The following ACACA variants were observed in gnomAD, a reference collection of about 807,000 sequenced individuals.
ACACA encodes acetyl-CoA carboxylase 1.
A neutral mutation model predicts 296.1 loss-of-function variants in ACACA; 103 were observed. That is an observed-to-expected ratio of 0.35 (90% confidence interval 0.30 to 0.41). ACACA has a LOEUF of 0.41. ACACA is among the 10% of genes least tolerant of loss of function. The pLI, the probability that ACACA is intolerant of heterozygous loss-of-function variation, is 1.00. For missense variants in ACACA, 1,554 were observed against 2,989.7 expected (o/e 0.52, Z 11.20); for synonymous variants, 953 against 1,038.6 (o/e 0.92, Z 1.58).
chr17:37,325,919 T>A (rs1279809899), intron 3 of ACACA, among the ~76,000 whole-genome samples: 1 of 151,804 alleles, frequency 6.6e-6, no homozygotes, highest in African/African-American at 2.4e-5. Flanking sequence ...TAGAAAGTGA[T>A]TCATCCAGCT....
intron 6 of ACACA, among the ~76,000 whole-genome samples, chr17:37,277,532 C>A (rs1311865805): frequency 1.3e-5 from 2 of 152,154 alleles, no homozygotes; most frequent in Non-Finnish European, 2.9e-5. Context: ...AAGGTACCTA[C>A]CCTAAACTTA....
chr17:37,334,107 A>G (rs1226113687), intron 2 of ACACA, among the ~76,000 whole-genome samples: 8 of 151,962 alleles, frequency 5.3e-5, no homozygotes, highest in African/African-American at 1.5e-4. Context: ...AAAATGAACA[A>G]AACACTCAAA....
At chr17:37,259,254 G>A in intron 12 of ACACA, 106 bp downstream of exon 12, 1 of 1,269,062 alleles carries the variant, frequency 7.9e-7, no homozygotes, top group South Asian at 1.2e-5. Context: ...ACCATTAGGT[G>A]TGACTCAGAT....
At chr17:37,182,554 C>T (rs1302880203) in intron 39 of ACACA, among the ~76,000 whole-genome samples, 2 of 152,018 alleles carry the variant, frequency 1.3e-5, no homozygotes, top group African/African-American at 4.8e-5. Context: ...ATAAAGGATG[C>T]CATTATTTCA....
At chr17:37,355,923 C>T (rs764136065) in intron 1 of ACACA, among the ~76,000 whole-genome samples, 3 of 151,952 alleles carry the variant, frequency 2.0e-5, no homozygotes, top group Non-Finnish European at 4.4e-5. Flanking sequence ...AATCCCAACA[C>T]TTTGGGAAGA....
In ACACA at chr17:37,287,892, A is replaced by T. The variant is rs186494992; in HGVS notation, c.339-2922T>A. ...AAAATGCTCTGTACCCTTCTTAGAGACTGACATTTCAAGCTGGTCAATCTA... is the reference window on the plus strand; with the variant it reads ...AAAATGCTCTGTACCCTTCTTAGAGTCTGACATTTCAAGCTGGTCAATCTA... On this transcript the variant is annotated intron_variant, in intron 3 of 55. Transcript: ENST00000616317. Among the ~76,000 whole-genome samples, 356 of 152,300 alleles carry T rather than the reference A, an allele frequency of 2.3e-3. 5 individuals carry two copies. Among genetic ancestry groups the T allele is most frequent in the Non-Finnish European group, 3.4e-3 (232 of 68,034 alleles).
In ACACA at chr17:37,325,058, G is replaced by A. The variant is rs944066795; in HGVS notation, c.338+5115C>T. 5.5e-5 allele frequency among the ~76,000 whole-genome samples: 8 copies of A among 145,336 alleles called. No homozygotes were observed. The South Asian group carries it at 1.1e-3, about 20-fold the overall frequency. On this transcript the variant is annotated intron_variant, in intron 3 of 55. Transcript: ENST00000616317. The stretch of plus-strand genomic sequence containing the variant: ...TCTGCTAAAAATACAAAAATTAGCC[G>A]GGCATGGTGGCGCGCACCTCTAATC...
intron 21 of ACACA, among the ~76,000 whole-genome samples, 200 bp downstream of exon 21, chr17:37,244,388 T>C (rs2542652): frequency 0.34 from 50,906 of 150,864 alleles, 10,843 homozygotes; most frequent in African/African-American, 0.59. Context: ...AAAGGAGTAA[T>C]CACAATTAAA....
intron 12 of ACACA, 66 bp downstream of exon 12, chr17:37,259,294 G>T (rs1598336278): frequency 1.3e-6 from 2 of 1,586,060 alleles, no homozygotes; most frequent in Non-Finnish European, 8.6e-7. Flanking sequence ...TCACACACTG[G>T]TTAAACCCAT....
chr17:37,167,035 C>T (rs532844848), intron 41 of ACACA, among the ~76,000 whole-genome samples: 1 of 151,628 alleles, frequency 6.6e-6, no homozygotes, highest in African/African-American at 2.4e-5. Context: ...ACCTCCACCT[C>T]CCGAGTTCAA....
At chr17:37,287,690 C>CAG (rs1432595815) in intron 3 of ACACA, among the ~76,000 whole-genome samples, 1 of 149,862 alleles carries the variant, frequency 6.7e-6, no homozygotes, top group Non-Finnish European at 1.5e-5. Context: ...TTGCAGTGAG[C>CAG]AGAGATCAAG....
intron 21 of ACACA, 128 bp from the exon 22 acceptor site, chr17:37,243,687 C>T: frequency 2.1e-6 from 2 of 952,300 alleles, no homozygotes; most frequent in South Asian, 1.4e-5. Context: ...TGAAAATCTG[C>T]ACATACTTGA....
chr17:37,208,855 C>T (rs938914073), intron 30 of ACACA, among the ~76,000 whole-genome samples: 11 of 152,196 alleles, frequency 7.2e-5, no homozygotes, highest in African/African-American at 2.4e-4. Context: ...CAGGGCAAGG[C>T]AATGGCACTT....
At position 37,335,564 on chromosome 17, in the gene ACACA, T is replaced by C. The variant is rs553340207; in HGVS notation, c.85+4240A>G. On this transcript the variant is annotated intron_variant, in intron 2 of 55. Transcript: ENST00000616317. ...TCATTCTTAGTGGCCCCTATGCCCA[T>C]CTACACTGAACAAGATTTATACAAT... Among the ~76,000 whole-genome samples, 8 of 152,284 alleles carry C rather than the reference T, an allele frequency of 5.3e-5. No individual in the cohort carries two copies. The East Asian group carries it at 1.3e-3, about 26-fold the overall frequency.
At chr17:37,224,536 C>T (rs1227646500) in intron 27 of ACACA, among the ~76,000 whole-genome samples, 3 of 151,984 alleles carry the variant, frequency 2.0e-5, no homozygotes, top group Non-Finnish European at 4.4e-5. Flanking sequence ...TAATAATAAG[C>T]ATTAACATAA....
rs1567639282 is a variant in ACACA, at chr17:37,087,426, T to C, written c.7042A>G (p.Asn2348Asp). The change falls in exon 56 of 56, where the codon AAT becomes GAT. Residue 2348 changes from asparagine (N) to aspartate (D), a missense_variant. Around this residue, in one of 16 missense-constraint regions of ACACA, gnomAD observed 553 missense variants for 1,043.6 expected, o/e 0.53. Coordinates refer to ENST00000616317, the MANE Select transcript of ACACA (RefSeq NM_198834.3). ...LKQIRSLVQA[N>D]PEVAMDSIIH... ...ATGGAATCCATGGCAACCTCTGGAT[T>C]GGCCTGGACCAAGCTGGAAAGGAAG... 6.2e-7 allele frequency: 1 copy of C among 1,614,114 alleles called. No individual in the cohort carries two copies. Among genetic ancestry groups the C allele is most frequent in the East Asian group, 2.2e-5 (1 of 44,876 alleles).
intron 2 of ACACA, among the ~76,000 whole-genome samples, chr17:37,337,677 T>C (rs1197274653): frequency 6.6e-6 from 1 of 151,704 alleles, no homozygotes; most frequent in East Asian, 2.0e-4. Flanking sequence ...AGTCTCAAAC[T>C]CCTGAGCTCA....
intron 1 of ACACA, among the ~76,000 whole-genome samples, chr17:37,341,604 C>T (rs980462353): frequency 1.3e-5 from 2 of 151,194 alleles, no homozygotes; most frequent in Admixed American, 6.6e-5. Context: ...GCAGGAGAAT[C>T]GCTTGAACCC....
At chr17:37,233,565 T>C (rs923968334) in intron 25 of ACACA, among the ~76,000 whole-genome samples, 2 of 152,176 alleles carry the variant, frequency 1.3e-5, no homozygotes, top group South Asian at 2.1e-4. Flanking sequence ...TAGCTTCCTA[T>C]AAAGGCAAAT....
Sources: allele counts gnomAD v4.1 joint callset (sites outside exome capture counted in the v4.1 genomes callset), GRCh38; gene constraint gnomAD v4.1.1; regional missense constraint gnomAD v4.1.1; transcripts MANE v1.5; gene names NCBI Gene and HGNC (gene_info 2026-07-23, HGNC 2026-07-21).